The following TSTD2 variants were observed in gnomAD, a reference collection of about 807,000 sequenced individuals.
The protein encoded by TSTD2 is thiosulfate sulfurtransferase like domain containing 2.
A neutral mutation model predicts 47.9 loss-of-function variants in TSTD2; 37 were observed. The ratio of observed to expected loss-of-function variants is 0.77; its 90% CI spans 0.59 to 1.02. The LOEUF is 1.02. Ranked by LOEUF, TSTD2 falls within the 50% of genes least tolerant of loss-of-function variation. The pLI, the probability that TSTD2 is intolerant of heterozygous loss-of-function variation, is 0.00. For synonymous variants in TSTD2, 201 were observed against 215.9 expected (o/e 0.93, Z 0.61); for missense variants, 586 against 616.0 (o/e 0.95, Z 0.52).
rs200562502 is a variant in TSTD2 at position 97,611,696 on chromosome 9, G to A, written c.607C>T (p.Arg203Ter). Residue 203 changes from arginine to a stop codon, truncating the protein, a stop_gained, in exon 5 of 10, where the codon CGA becomes TGA. Transcript: ENST00000341170. LOFTEE classifies it high-confidence loss of function. ...CQHLHLTGKI[R>*]IAAEGINGTV... ...CCATTGATTCCTTCTGCAGCAATTCGAATCTGAGACACAAGACGGTGAAAA... is the reference window on the plus strand; with the variant it reads ...CCATTGATTCCTTCTGCAGCAATTCAAATCTGAGACACAAGACGGTGAAAA... The A allele has an allele frequency of 4.8e-5, 77 of 1,600,960 alleles. No individual in the cohort carries two copies. Among genetic ancestry groups the A allele is most frequent in the Non-Finnish European group, 6.2e-5 (72 of 1,169,182 alleles).
chr9:97,610,376 T>C lies in TSTD2; in HGVS notation c.805A>G (p.Ser269Gly). The change falls in exon 6 of 10, where the codon AGC becomes GGC. Residue 269 changes from serine (S) to glycine (G), a missense_variant. Ser to Gly is a moderately conservative substitution (Grantham distance 56). Transcript: ENST00000341170. ...VFEEIVPMGI[S>G]PKKISYKKPG... Reference sequence around the variant, plus strand: ...TTCTTGTAGGAGATCTTTTTGGGGCTGATCCCCATGGGCACGATTTCTTCA... The same window carrying C: ...TTCTTGTAGGAGATCTTTTTGGGGCCGATCCCCATGGGCACGATTTCTTCA... 1 of 1,604,072 alleles carries C rather than the reference T, an allele frequency of 6.2e-7. No homozygotes were observed. Among genetic ancestry groups the C allele is most frequent in the South Asian group, 1.1e-5 (1 of 89,138 alleles).
intron 1 of TSTD2, among the ~76,000 whole-genome samples, chr9:97,631,291 A>AT (rs748743286): frequency 1.2e-3 from 176 of 144,828 alleles, no homozygotes; most frequent in African/African-American, 3.3e-3. Context: ...TAATTTTTGT[A>AT]TTTTTTTTTT....
chr9:97,611,597 C>A lies in TSTD2; in HGVS notation c.706G>T (p.Asp236Tyr). The A allele has an allele frequency of 6.2e-7, 1 of 1,605,020 alleles. No homozygotes were observed. Among genetic ancestry groups the A allele is most frequent in the South Asian group, 1.1e-5 (1 of 90,752 alleles). Residue 236 changes from aspartate to tyrosine, a missense_variant, in exon 5 of 10, where the codon GAC becomes TAC. Asp to Tyr is a radical substitution (Grantham distance 160). Transcript: ENST00000341170. ...VMLSFPLFKDDLCKDDFKTSK... is the reference protein window; with the variant it reads ...VMLSFPLFKDYLCKDDFKTSK... ...ACCTTAAAATCATCTTTACACAGGT[C>A]ATCCTTAAACAATGGGAAGGAAAGC...
chr9:97,631,436 G>C (rs989002168), intron 1 of TSTD2, among the ~76,000 whole-genome samples: 76 of 152,162 alleles, frequency 5.0e-4, no homozygotes, highest in African/African-American at 1.7e-3. Context: ...TGCTTTTGAA[G>C]TACAATCCAA....
chr9:97,626,340 G>C (rs1218124284), intron 2 of TSTD2, among the ~76,000 whole-genome samples: 2 of 152,090 alleles, frequency 1.3e-5, no homozygotes, highest in East Asian at 3.8e-4. Context: ...AAGGAATATG[G>C]AAAGTAAATT....
In TSTD2 at chr9:97,625,757, CTT is replaced by C. The variant is rs1826708249; in HGVS notation, c.404_405del (p.Lys135ArgfsTer6). On this transcript the variant is annotated frameshift_variant, in exon 3 of 10. Coordinates refer to ENST00000341170, the MANE Select transcript of TSTD2 (RefSeq NM_139246.5). LOFTEE classifies it high-confidence loss of function. ...LSSADEKNPL[K>X]ECLPHSHDVS... ...ACGTCATGGCTATGTGGAAGGCACT[CTT>C]TTAAAGGGTTCTTTTCATCTGCAGA... 6.2e-7 allele frequency: 1 copy of C among 1,614,018 alleles called. No individual in the cohort carries two copies.
At chr9:97,624,493 C>T (rs1267758912) in intron 3 of TSTD2, among the ~76,000 whole-genome samples, 3 of 152,166 alleles carry the variant, frequency 2.0e-5, no homozygotes, top group Non-Finnish European at 4.4e-5. Context: ...AACTATGCTG[C>T]TGTAAGCTGA....
intron 9 of TSTD2, 121 bp from the exon 10 acceptor site, chr9:97,602,888 A>G: frequency 1.0e-6 from 1 of 1,004,528 alleles, no homozygotes; most frequent in Non-Finnish European, 1.4e-6. Context: ...AGGTTTCCAA[A>G]TAGTAAGTCT....
Position 97,605,571 on chromosome 9 carries a change from T to C in TSTD2, c.1025A>G (p.Asn342Ser), listed in dbSNP as rs1249262704. ...FSYFPSYVDK[N>S]LELFREKRVL... is the part of the protein sequence containing the mutation. ...TCTCTTCTCTCTGAAAAGTTCTAGA[T>C]TTTTGTCAACGTAGCTAGGGAAGTA... Residue 342 changes from asparagine (N) to serine (S), a missense_variant, in exon 8 of 10, where the codon AAT becomes AGT. Transcript: ENST00000341170. The C allele has an allele frequency of 1.2e-6, 2 of 1,614,110 alleles. No homozygotes were observed. The highest frequency in any genetic ancestry group is 2.2e-5 in the South Asian group (2 of 91,090).
intron 3 of TSTD2, among the ~76,000 whole-genome samples, chr9:97,619,489 A>C (rs534018847): frequency 4.6e-5 from 7 of 152,038 alleles, no homozygotes; most frequent in Non-Finnish European, 7.4e-5. Context: ...AATAGTAAAT[A>C]TGTATTACGA....
intron 6 of TSTD2, 26 bp downstream of exon 6, chr9:97,610,320 G>A (rs749683607): frequency 1.8e-5 from 29 of 1,585,192 alleles, no homozygotes; most frequent in Non-Finnish European, 2.4e-5. Context: ...GTGAATTAAA[G>A]CACAATCTTC....
intron 3 of TSTD2, among the ~76,000 whole-genome samples, chr9:97,621,643 C>A (rs112289590): frequency 6.6e-6 from 1 of 152,122 alleles, no homozygotes; most frequent in East Asian, 1.9e-4. Context: ...GGATGAAATA[C>A]GCTCTGGTCT....
intron 4 of TSTD2, among the ~76,000 whole-genome samples, chr9:97,615,653 T>G (rs1826532034): frequency 6.6e-6 from 1 of 152,194 alleles, no homozygotes; most frequent in Non-Finnish European, 1.5e-5. Flanking sequence ...ACCTAGGAAT[T>G]TATATCCAAG....
chr9:97,630,011 A>G (rs1826784124), intron 1 of TSTD2, among the ~76,000 whole-genome samples: 1 of 151,972 alleles, frequency 6.6e-6, no homozygotes, highest in East Asian at 1.9e-4. Context: ...TTCCCTCCCC[A>G]TATGCTTACT....
intron 2 of TSTD2, among the ~76,000 whole-genome samples, chr9:97,626,951 T>G (rs1258523138): frequency 6.6e-6 from 1 of 152,116 alleles, no homozygotes; most frequent in Non-Finnish European, 1.5e-5. Context: ...TTTTGATTAG[T>G]AGTAATGCTG....
chr9:97,606,371 C>T, intron 6 of TSTD2, 110 bp from the exon 7 acceptor site: 2 of 633,048 alleles, frequency 3.2e-6, no homozygotes, highest in Non-Finnish European at 5.5e-6. Flanking sequence ...CCACCCAAAT[C>T]TCTTCTCTTC....
At chr9:97,616,759 T>G (rs939418891) in intron 4 of TSTD2, among the ~76,000 whole-genome samples, 2 of 152,242 alleles carry the variant, frequency 1.3e-5, no homozygotes, top group African/African-American at 4.8e-5. Flanking sequence ...GTTCACTTCC[T>G]TTCGATTTAA....
At position 97,602,449 on chromosome 9, in the gene TSTD2, G is replaced by GA. The variant is rs1017922591; in HGVS notation, c.*19dup. 8.3e-6 allele frequency: 13 copies of GA among 1,567,174 alleles called. No individual in the cohort carries two copies. Among genetic ancestry groups the GA allele is most frequent in the Non-Finnish European group, 1.1e-5 (13 of 1,153,576 alleles). On this transcript the variant is annotated 3_prime_UTR_variant, in exon 10 of 10. Transcript: ENST00000341170. ...AAACCTACTTTTACCGAGGGCCTGG[G>GA]AAAATGCCAAAGGTGCTGCTCACAT...
At chr9:97,608,364 G>A (rs1181677479) in intron 6 of TSTD2, among the ~76,000 whole-genome samples, 3 of 152,242 alleles carry the variant, frequency 2.0e-5, no homozygotes, top group East Asian at 1.9e-4. Flanking sequence ...TACCAGGTGC[G>A]GTGGCTGATG....
Sources: allele counts gnomAD v4.1 joint callset (sites outside exome capture counted in the v4.1 genomes callset), GRCh38; gene constraint gnomAD v4.1.1; transcripts MANE v1.5; gene names NCBI Gene and HGNC (gene_info 2026-07-23, HGNC 2026-07-21).